CNTNAP2: variants seen among roughly 807,000 people sequenced by gnomAD.
CNTNAP2 encodes the protein contactin associated protein 2.
CNTNAP2 carries 98 observed loss-of-function variants against 155.2 expected under a neutral mutation model. The observed-to-expected ratio is 0.63, with a 90% CI of 0.54 to 0.75. The LOEUF (loss-of-function observed/expected upper bound fraction) is 0.75, where lower values mean the gene tolerates loss of function less well. CNTNAP2 is among the 30% of genes least tolerant of loss of function. The pLI is 0.00. For missense variants in CNTNAP2, 1,727 were observed against 1,688.1 expected (o/e 1.02, Z -0.40); for synonymous variants, 651 against 631.2 (o/e 1.03, Z -0.47).
chr7:148,372,363 T>G (rs1436393020), intron 21 of CNTNAP2, among the ~76,000 whole-genome samples: 4 of 152,146 alleles, frequency 2.6e-5, no homozygotes, highest in Non-Finnish European at 5.9e-5. Flanking sequence ...TTATAAGCAC[T>G]GGACACTTTG....
intron 13 of CNTNAP2, among the ~76,000 whole-genome samples, chr7:147,746,561 C>T (rs1036436774): frequency 1.3e-5 from 2 of 152,058 alleles, no homozygotes; most frequent in African/African-American, 4.8e-5. Flanking sequence ...CTCCCAGTTC[C>T]TCTGCTTGTA....
intron 3 of CNTNAP2, among the ~76,000 whole-genome samples, chr7:146,890,085 T>C (rs1439642450): frequency 6.6e-6 from 1 of 152,106 alleles, no homozygotes; most frequent in Non-Finnish European, 1.5e-5. Context: ...GCATCCCTTA[T>C]CTTCCAAATT....
intron 1 of CNTNAP2, among the ~76,000 whole-genome samples, chr7:146,734,325 A>G (rs1448628423): frequency 6.6e-6 from 1 of 152,190 alleles, no homozygotes; most frequent in South Asian, 2.1e-4. Context: ...AATTGTTTTC[A>G]AAAAGCATGT....
chr7:148,382,244 C>T (rs1160149623), intron 21 of CNTNAP2, among the ~76,000 whole-genome samples: 1 of 152,218 alleles, frequency 6.6e-6, no homozygotes, highest in African/African-American at 2.4e-5. Context: ...GCCTCTGCTG[C>T]CACCCGTGGT....
Position 146,444,468 on chromosome 7 carries a change from C to T in CNTNAP2, c.97+327495C>T, listed in dbSNP as rs545065902. Among the ~76,000 whole-genome samples the T allele has an allele frequency of 7.9e-5, 12 of 152,228 alleles. No individual in the cohort carries two copies. In the East Asian group the frequency reaches 2.1e-3, roughly 27 times the overall value. On this transcript the variant is annotated intron_variant, in intron 1 of 23. Transcript: ENST00000361727. ...TGGCCTGAAGGACCCAGGATTCTTC[C>T]TAGGTGGATAGATACATCCTGGACT...
chr7:147,157,250 G>A (rs1801942869), intron 8 of CNTNAP2, among the ~76,000 whole-genome samples: 1 of 152,006 alleles, frequency 6.6e-6, no homozygotes, highest in African/African-American at 2.4e-5. Flanking sequence ...TCTTTCTATG[G>A]TGATAATGGG....
chr7:148,164,943 T>C (rs909567281), intron 17 of CNTNAP2, among the ~76,000 whole-genome samples: 2 of 152,124 alleles, frequency 1.3e-5, no homozygotes, highest in Middle Eastern at 3.4e-3. Flanking sequence ...CCACCATACC[T>C]GGCTCTAACT....
chr7:148,020,267 T>C lies in CNTNAP2; in HGVS notation c.2383+42278T>C, dbSNP rs139139433. Among the ~76,000 whole-genome samples, 8 of 152,332 alleles carry C rather than the reference T, an allele frequency of 5.3e-5. No homozygotes were observed. In the East Asian group the frequency reaches 1.5e-3, roughly 29 times the overall value. ...CTTTAAATCTTCACCTGCACTAGCA[T>C]GCTAAAACAAGGAAAAGAAAGTTTT... On this transcript the variant is annotated intron_variant, in intron 15 of 23. Coordinates refer to ENST00000361727, the MANE Select transcript of CNTNAP2 (RefSeq NM_014141.6).
intron 4 of CNTNAP2, among the ~76,000 whole-genome samples, 157 bp downstream of exon 4, chr7:147,044,211 T>TAA (rs1554429419): frequency 6.6e-6 from 1 of 151,976 alleles, no homozygotes; most frequent in East Asian, 1.9e-4. Context: ...CATATATATA[T>TAA]AATAAAAGGT....
intron 21 of CNTNAP2, among the ~76,000 whole-genome samples, chr7:148,337,577 A>G (rs1798142420): frequency 6.6e-6 from 1 of 152,152 alleles, no homozygotes; most frequent in Non-Finnish European, 1.5e-5. Flanking sequence ...TTTGTCCAAG[A>G]TCCAACCCTT....
intron 8 of CNTNAP2, among the ~76,000 whole-genome samples, chr7:147,270,617 T>C (rs1011685719): frequency 1.3e-5 from 2 of 152,210 alleles, no homozygotes; most frequent in Admixed American, 6.5e-5. Flanking sequence ...CCTAGGGTAG[T>C]AGAATCTCTT....
At chr7:147,384,256 AAGAGT>A (rs1295533846) in intron 9 of CNTNAP2, among the ~76,000 whole-genome samples, 1 of 152,212 alleles carries the variant, frequency 6.6e-6, no homozygotes, top group Non-Finnish European at 1.5e-5. Context: ...GATTTCCTTG[AAGAGT>A]AAAGTATATA....
intron 15 of CNTNAP2, among the ~76,000 whole-genome samples, chr7:148,070,096 C>T (rs1412861946): frequency 6.6e-6 from 1 of 152,176 alleles, no homozygotes; most frequent in East Asian, 1.9e-4. Flanking sequence ...GGCTCTGTAA[C>T]TAATATATTA....
At position 147,882,087 on chromosome 7, in the gene CNTNAP2, A is replaced by G. The variant is rs566544916; in HGVS notation, c.2099-21478A>G. Among the ~76,000 whole-genome samples the G allele has an allele frequency of 2.0e-5, 3 of 152,310 alleles. No homozygotes were observed. In the East Asian group the frequency reaches 5.8e-4, roughly 29 times the overall value. On this transcript the variant is annotated intron_variant, in intron 13 of 23. Transcript: ENST00000361727. ...AATGTTGTTACAATATATGCAATGT[A>G]AAGAAAATAGACATGTGGCAATATA... is the stretch of plus-strand genomic sequence containing the variant.
intron 10 of CNTNAP2, among the ~76,000 whole-genome samples, chr7:147,431,245 C>T (rs1797461600): frequency 6.6e-6 from 1 of 152,102 alleles, no homozygotes; most frequent in Non-Finnish European, 1.5e-5. Flanking sequence ...CATATCTGGT[C>T]ACAAACCTTT....
At chr7:147,047,750 C>G (rs1306019718) in intron 4 of CNTNAP2, among the ~76,000 whole-genome samples, 1 of 152,118 alleles carries the variant, frequency 6.6e-6, no homozygotes, top group Non-Finnish European at 1.5e-5. Flanking sequence ...ATGGGCTTTT[C>G]CATCAAGCCT....
rs10238530 is a variant in CNTNAP2 at position 148,408,301 on chromosome 7, A to C, written c.3716-1090A>C. On this transcript the variant is annotated intron_variant, in intron 22 of 23. Coordinates refer to ENST00000361727, the MANE Select transcript of CNTNAP2 (RefSeq NM_014141.6). ...AAAAAAAGAATATCAAGTCTAAAAG[A>C]GAAAGGATTAAATCACATGTGTTGA... Among the ~76,000 whole-genome samples the C allele has an allele frequency of 4.4e-4, 67 of 152,008 alleles. 1 individual carries two copies. Among genetic ancestry groups the C allele is most frequent in the Admixed American group, 3.7e-3 (56 of 15,268 alleles).
At chr7:147,152,704 C>A (rs1486748511) in intron 8 of CNTNAP2, among the ~76,000 whole-genome samples, 5 of 151,976 alleles carry the variant, frequency 3.3e-5, no homozygotes, top group Non-Finnish European at 7.4e-5. Context: ...GGTAAAATAA[C>A]CAGTTTAGAA....
intron 1 of CNTNAP2, among the ~76,000 whole-genome samples, chr7:146,126,318 A>G (rs1338230019): frequency 6.6e-6 from 1 of 152,250 alleles, no homozygotes; most frequent in African/African-American, 2.4e-5. Context: ...TTATTCCTTG[A>G]TGACACTGTC....
Sources: allele counts gnomAD v4.1 joint callset (sites outside exome capture counted in the v4.1 genomes callset), GRCh38; gene constraint gnomAD v4.1.1; transcripts MANE v1.5; gene names NCBI Gene and HGNC (gene_info 2026-07-23, HGNC 2026-07-21).